AP2S1: variants seen among roughly 807,000 people sequenced by gnomAD.
AP2S1 encodes the protein AP-2 complex subunit sigma.
AP2S1 carries 6 observed loss-of-function variants against 21.0 expected under a neutral mutation model. The ratio of observed to expected loss-of-function variants is 0.29; its 90% CI spans 0.16 to 0.56. The LOEUF is 0.56. AP2S1 is among the 20% of genes least tolerant of loss of function. The probability of loss-of-function intolerance (pLI) is 0.92; values close to 1 mark genes in which losing one functional copy is unlikely to be tolerated. For synonymous variants in AP2S1, 63 were observed against 74.6 expected (o/e 0.84, Z 0.80); for missense variants, 60 against 186.2 (o/e 0.32, Z 3.95).
chr19:46,844,614 A>G (rs2055587434), intron 2 of AP2S1, among the ~76,000 whole-genome samples: 1 of 151,870 alleles, frequency 6.6e-6, no homozygotes, highest in South Asian at 2.1e-4. Context: ...CCTGGGCAAC[A>G]TGGTGAGACC....
intron 2 of AP2S1, among the ~76,000 whole-genome samples, chr19:46,843,424 G>A (rs929340354): frequency 3.3e-5 from 5 of 152,078 alleles, no homozygotes; most frequent in Non-Finnish European, 5.9e-5. Context: ...CCATCTCTAC[G>A]AAAAATTTAA....
At chr19:46,844,726 G>T (rs2055590695) in intron 2 of AP2S1, among the ~76,000 whole-genome samples, 1 of 152,204 alleles carries the variant, frequency 6.6e-6, no homozygotes, top group Admixed American at 6.5e-5. Context: ...CTTGAACATA[G>T]GAAGTCAAGG....
intron 2 of AP2S1, among the ~76,000 whole-genome samples, chr19:46,840,784 C>T (rs1347703196): frequency 2.9e-5 from 4 of 136,538 alleles, no homozygotes; most frequent in African/African-American, 1.1e-4. Flanking sequence ...GTGGCTCGAT[C>T]TCGGCTCACT....
In AP2S1 at chr19:46,839,461, G is replaced by A. The variant is rs776590608; in HGVS notation, c.267+4C>T. On this transcript the variant is annotated splice_donor_region_variant and intron_variant, in intron 3 of 4. Transcript: ENST00000263270. The stretch of plus-strand genomic sequence containing the variant: ...CCCCACCTTACATCCCTCTCCCGCC[G>A]TACCTCCACGAAGTTGTGAATGGCC... The A allele has an allele frequency of 2.9e-5, 21 of 730,508 alleles. No individual in the cohort carries two copies. Among genetic ancestry groups the A allele is most frequent in the African/African-American group, 3.7e-5 (2 of 54,444 alleles). 45.3% of individuals were successfully genotyped at this position (730,508 alleles called of 1,614,324 possible).
chr19:46,847,982 C>T (rs2055666812), intron 1 of AP2S1, among the ~76,000 whole-genome samples: 1 of 152,124 alleles, frequency 6.6e-6, no homozygotes, highest in African/African-American at 2.4e-5. Flanking sequence ...GTTTAACTTT[C>T]TCAGGAATTG....
chr19:46,840,568 A>C (rs1454119049), intron 2 of AP2S1, among the ~76,000 whole-genome samples: 3 of 151,404 alleles, frequency 2.0e-5, no homozygotes, highest in Non-Finnish European at 4.4e-5. Flanking sequence ...TGAGCCTGGG[A>C]GGTCAAAGCT....
chr19:46,846,081 T>C lies in AP2S1; in HGVS notation c.65A>G (p.Gln22Arg). The change falls in exon 2 of 5, where the codon CAG becomes CGG. Residue 22 changes from glutamine (Q) to arginine (R), a missense_variant. By Grantham distance (43) the Gln-to-Arg change is conservative. Coordinates refer to ENST00000263270, the MANE Select transcript of AP2S1 (RefSeq NM_004069.6). ...CTTCTGTTTCTCATCATCATCAAAC[T>C]GCATGTACCACTTGGCCAGGCGCGT... Reference protein sequence around the residue: ...GKTRLAKWYMQFDDDEKQKLI... With the variant: ...GKTRLAKWYMRFDDDEKQKLI... 1.9e-6 allele frequency: 3 copies of C among 1,614,088 alleles called. No homozygotes were observed. The highest frequency in any genetic ancestry group is 2.5e-6 in the Non-Finnish European group (3 of 1,180,002).
At position 46,850,752 on chromosome 19, in the gene AP2S1, C is replaced by A; in HGVS notation, c.3+12G>T. Reference sequence around the variant, plus strand: ...CCCTCCGCCAGTCCCCGGCGTAGCGCTCCCCCGTTACCATGGCGACCCCCG... The same window carrying A: ...CCCTCCGCCAGTCCCCGGCGTAGCGATCCCCCGTTACCATGGCGACCCCCG... On this transcript the variant is annotated intron_variant, in intron 1 of 4. Coordinates refer to ENST00000263270, the MANE Select transcript of AP2S1 (RefSeq NM_004069.6). 1 of 1,579,870 alleles carries A rather than the reference C, an allele frequency of 6.3e-7. No homozygotes were observed. The highest frequency in any genetic ancestry group is 1.1e-5 in the South Asian group (1 of 89,778).
intron 1 of AP2S1, among the ~76,000 whole-genome samples, chr19:46,847,516 A>T (rs56400857): frequency 0.019 from 2,926 of 151,878 alleles, 92 homozygotes; most frequent in African/African-American, 0.067. Context: ...CACCCCACCT[A>T]ATATCACCAC....
chr19:46,848,553 T>C (rs966426152), intron 1 of AP2S1, among the ~76,000 whole-genome samples: 1 of 152,190 alleles, frequency 6.6e-6, no homozygotes, highest in Non-Finnish European at 1.5e-5. Flanking sequence ...GAGACAGGCA[T>C]GCTCATGCCC....
At chr19:46,839,228 A>G (rs1018248137) in intron 3 of AP2S1, among the ~76,000 whole-genome samples, 15 of 146,892 alleles carry the variant, frequency 1.0e-4, no homozygotes, top group Admixed American at 9.7e-4. Context: ...TGGAGGCTGC[A>G]ATGAGCCAAG....
chr19:46,846,856 G>A (rs766119911), intron 1 of AP2S1, among the ~76,000 whole-genome samples: 178 of 152,040 alleles, frequency 1.2e-3, no homozygotes, highest in Non-Finnish European at 2.0e-3. Context: ...GGTAGAGACG[G>A]GGTTTCACCA....
At chr19:46,842,478 A>G (rs141384244) in intron 2 of AP2S1, among the ~76,000 whole-genome samples, 17 of 152,172 alleles carry the variant, frequency 1.1e-4, no homozygotes, top group Non-Finnish European at 2.1e-4. Context: ...ACATTAGGTG[A>G]ATACATGCAC....
intron 2 of AP2S1, among the ~76,000 whole-genome samples, chr19:46,840,634 AAC>A (rs937915589): frequency 1.3e-5 from 2 of 151,924 alleles, no homozygotes; most frequent in African/African-American, 2.4e-5. Context: ...TGTCTCAAAA[AAC>A]ACAAAAAAAC....
chr19:46,850,074 T>C, intron 1 of AP2S1: 1 of 1,193,134 alleles, frequency 8.4e-7, no homozygotes, highest in Non-Finnish European at 1.0e-6. Context: ...CCCCACAAGA[T>C]CTCTCCTCTT....
At position 46,839,451 on chromosome 19, in the gene AP2S1, C is replaced by T. The variant is rs929732752; in HGVS notation, c.267+14G>A. On this transcript the variant is annotated intron_variant, in intron 3 of 4. Transcript: ENST00000263270. The stretch of plus-strand genomic sequence containing the variant: ...CCACCCGCCTCCCCACCTTACATCC[C>T]TCTCCCGCCGTACCTCCACGAAGTT... The T allele has an allele frequency of 6.2e-7, 1 of 1,605,084 alleles. No individual in the cohort carries two copies. The highest frequency in any genetic ancestry group is 8.5e-7 in the Non-Finnish European group (1 of 1,175,132).
chr19:46,848,756 T>C (rs1280272033), intron 1 of AP2S1, among the ~76,000 whole-genome samples: 1 of 152,146 alleles, frequency 6.6e-6, no homozygotes, highest in Non-Finnish European at 1.5e-5. Flanking sequence ...CTCTGTTGCC[T>C]AGGCTGGAGT....
chr19:46,842,872 G>A (rs764101021), intron 2 of AP2S1, among the ~76,000 whole-genome samples: 11 of 152,038 alleles, frequency 7.2e-5, no homozygotes, highest in Non-Finnish European at 1.3e-4. Flanking sequence ...TGGCCCTCTG[G>A]TGCTCTCCTC....
intron 2 of AP2S1, among the ~76,000 whole-genome samples, chr19:46,840,367 CA>C (rs60907407): frequency 2.1e-3 from 212 of 100,422 alleles, no homozygotes; most frequent in African/African-American, 3.1e-3. Context: ...AGGTTCATTA[CA>C]AAAAAAAAAA....
Sources: gnomAD v4.1 joint callset for allele counts (sites outside exome capture counted in the v4.1 genomes callset) on GRCh38, gnomAD v4.1.1 for gene constraint, MANE v1.5 for transcripts, NCBI Gene and HGNC (gene_info 2026-07-23, HGNC 2026-07-21) for gene names.